GIP: variants seen among roughly 807,000 people sequenced by gnomAD.
GIP encodes gastric inhibitory polypeptide.
GIP carries 16 observed loss-of-function variants against 18.1 expected under a neutral mutation model. That is an observed-to-expected ratio of 0.88 (90% CI 0.60 to 1.34). The LOEUF (loss-of-function observed/expected upper bound fraction) is 1.34, where lower values mean the gene tolerates loss of function less well. Ranked by LOEUF, GIP falls within the 40% of genes most tolerant of loss-of-function variation. The pLI is 0.00. For synonymous variants in GIP, 76 were observed against 74.0 expected, an observed-to-expected ratio of 1.03 and a Z score of -0.14; for missense variants, 192 against 183.4, an observed-to-expected ratio of 1.05 and a Z score of -0.27.
chr17:48,961,826 A>C lies in GIP; in HGVS notation c.258-7T>G, dbSNP rs2041202363. 7 of 1,607,296 alleles carry C rather than the reference A, an allele frequency of 4.4e-6. No homozygotes were observed. Among genetic ancestry groups the C allele is most frequent in the Non-Finnish European group, 6.0e-6 (7 of 1,175,590 alleles). On this transcript the variant is annotated splice_region_variant and splice_polypyrimidine_tract_variant and intron_variant, in intron 3 of 5. Transcript: ENST00000357424. ...GGTGATGTTGTGTTTCCAGCTGGGAAGATAAAGATTAGAGAGTGGGCAAGC... is the reference window on the plus strand; with the variant it reads ...GGTGATGTTGTGTTTCCAGCTGGGACGATAAAGATTAGAGAGTGGGCAAGC...
chr17:48,961,500 G>C (rs374865393), intron 4 of GIP, among the ~76,000 whole-genome samples: 4 of 152,104 alleles, frequency 2.6e-5, no homozygotes, highest in East Asian at 1.9e-4. Context: ...TAGAAACCCT[G>C]TCCCTGAAAC....
chr17:48,961,412 G>A (rs2041200029), intron 4 of GIP, among the ~76,000 whole-genome samples: 1 of 152,138 alleles, frequency 6.6e-6, no homozygotes, highest in African/African-American at 2.4e-5. Context: ...GAGAGGTGGT[G>A]AGGCCAGGAC....
chr17:48,966,454 G>A (rs1429478787), intron 2 of GIP, among the ~76,000 whole-genome samples: 2 of 151,390 alleles, frequency 1.3e-5, no homozygotes, highest in East Asian at 1.9e-4. Context: ...TACTCGGTAA[G>A]CTGAGGCAGG....
chr17:48,965,630 G>C (rs1019491480), intron 2 of GIP, among the ~76,000 whole-genome samples: 4 of 137,098 alleles, frequency 2.9e-5, no homozygotes, highest in African/African-American at 1.1e-4. Context: ...AAAAGGGATC[G>C]GGGTCCCCTC....
Position 48,961,798 on chromosome 17 carries a change from C to T in GIP, c.279G>A (p.Gln93=). The T allele has an allele frequency of 6.2e-7, 1 of 1,612,826 alleles. No homozygotes were observed. Among genetic ancestry groups the T allele is most frequent in the Non-Finnish European group, 8.5e-7 (1 of 1,179,604 alleles). Reference sequence around the variant, plus strand: ...CCAGCTCCAGCGCCCGAGCCTCCCTCTGGGTGATGTTGTGTTTCCAGCTGG... The same window carrying T: ...CCAGCTCCAGCGCCCGAGCCTCCCTTTGGGTGATGTTGTGTTTCCAGCTGG... ...KKNDWKHNIT[Q]REARALELAS... is the part of the protein sequence containing the mutation. The change falls in exon 4 of 6, where the codon CAG becomes CAA. Residue 93 remains glutamine (Q), a synonymous_variant. Transcript: ENST00000357424.
rs1037731534 is a variant in GIP at position 48,958,861 on chromosome 17, T to C, written c.453-145A>G. 9 of 575,618 alleles carry C rather than the reference T, an allele frequency of 1.6e-5. No individual in the cohort carries two copies. In the East Asian group the frequency reaches 2.9e-4, roughly 19 times the overall value. The allele number at this position is 575,618 out of a possible 1,614,324, so 35.7% of individuals were successfully genotyped here. On this transcript the variant is annotated intron_variant, in intron 5 of 5. Coordinates refer to ENST00000357424, the MANE Select transcript of GIP (RefSeq NM_004123.3). The stretch of plus-strand genomic sequence containing the variant: ...TTTTAATTTTTATCAATTTACTTTT[T>C]TTTTTTTTTTTGAGACGGAGTCTCG...
chr17:48,964,630 C>G (rs1287921192), intron 2 of GIP, 150 bp from the exon 3 acceptor site: 5 of 636,798 alleles, frequency 7.9e-6, no homozygotes, highest in Admixed American at 2.7e-5. Context: ...CCACCCCACC[C>G]CAGGCTTTAT....
At position 48,967,130 on chromosome 17, in the gene GIP, CCT is replaced by C; in HGVS notation, c.86+15_86+16del. The C allele has an allele frequency of 6.3e-7, 1 of 1,579,244 alleles. No individual in the cohort carries two copies. Among genetic ancestry groups the C allele is most frequent in the Non-Finnish European group, 8.7e-7 (1 of 1,148,346 alleles). On this transcript the variant is annotated intron_variant, in intron 2 of 5. Coordinates refer to ENST00000357424, the MANE Select transcript of GIP (RefSeq NM_004123.3). Reference sequence around the variant, plus strand: ...AACCCCTCCTCTGCCCCATCCCTTTCCTCTCACCACTCCTACCTGAAGTGACC... The same window carrying C: ...AACCCCTCCTCTGCCCCATCCCTTTCCTCACCACTCCTACCTGAAGTGACC...
intron 1 of GIP, among the ~76,000 whole-genome samples, chr17:48,967,575 G>C (rs1368930121): frequency 6.6e-6 from 1 of 151,308 alleles, no homozygotes; most frequent in East Asian, 2.0e-4. Flanking sequence ...GGCCAGGCTG[G>C]TCTCGAACTC....
chr17:48,967,048 G>A, intron 2 of GIP, 99 bp downstream of exon 2: 1 of 888,832 alleles, frequency 1.1e-6, no homozygotes, highest in Non-Finnish European at 1.8e-6. Flanking sequence ...CTCTTAGCCT[G>A]GATTCCTTCC....
chr17:48,963,342 T>C (rs147040941), intron 3 of GIP, among the ~76,000 whole-genome samples: 4 of 151,778 alleles, frequency 2.6e-5, no homozygotes, highest in East Asian at 2.0e-4. Flanking sequence ...CTGACCAACA[T>C]GGAACCCCGT....
At chr17:48,959,631 G>C (rs935912893) in intron 5 of GIP, among the ~76,000 whole-genome samples, 3 of 152,218 alleles carry the variant, frequency 2.0e-5, no homozygotes, top group Non-Finnish European at 4.4e-5. Context: ...AGAGACCATT[G>C]AAGCCAGCAG....
At chr17:48,967,913 G>A (rs2041243657) in intron 1 of GIP, among the ~76,000 whole-genome samples, 1 of 151,864 alleles carries the variant, frequency 6.6e-6, no homozygotes, top group African/African-American at 2.4e-5. Flanking sequence ...TTAGCCAGGT[G>A]TGGTGGTGCG....
At position 48,965,138 on chromosome 17, in the gene GIP, C is replaced by CAAAAAAAAAAAAAAAAAAAAAA. The variant is rs33956589; in HGVS notation, c.87-659_87-658insTTTTTTTTTTTTTTTTTTTTTT. On this transcript the variant is annotated intron_variant, in intron 2 of 5. Transcript: ENST00000357424. ...TGGGAGACAGAGCGAGACTCCGTCTCAAAAAAAAAAAAATTAGCCAGGCGT... is the reference window on the plus strand; with the variant it reads ...TGGGAGACAGAGCGAGACTCCGTCTCAAAAAAAAAAAAAAAAAAAAAAAAAAAAAAAAAAATTAGCCAGGCGT... Among the ~76,000 whole-genome samples, 145 of 109,562 alleles carry CAAAAAAAAAAAAAAAAAAAAAA rather than the reference C, an allele frequency of 1.3e-3. 40 individuals are homozygous for CAAAAAAAAAAAAAAAAAAAAAA. The highest frequency in any genetic ancestry group is 3.9e-3 in the African/African-American group (82 of 21,104). 71.9% of individuals were successfully genotyped at this position (109,562 alleles called of 152,430 possible). A position where few individuals can be genotyped will look rare whatever the true frequency, so the allele number is the denominator to read the frequency against.
intron 5 of GIP, among the ~76,000 whole-genome samples, chr17:48,960,676 G>GT (rs1007136199): frequency 1.3e-5 from 2 of 151,586 alleles, no homozygotes; most frequent in African/African-American, 4.8e-5. Context: ...TTTTTCTTTT[G>GT]TTTTTTTTCT....
intron 2 of GIP, 34 bp downstream of exon 2, chr17:48,967,113 C>T: frequency 6.8e-7 from 1 of 1,477,166 alleles, no homozygotes. Context: ...CTAACCCCTC[C>T]TCTGCCCCAT....
intron 3 of GIP, among the ~76,000 whole-genome samples, 189 bp downstream of exon 3, chr17:48,964,121 C>T (rs182893824): frequency 0.012 from 1,743 of 142,342 alleles, 23 homozygotes; most frequent in African/African-American, 0.041. Context: ...GATCGCGCCA[C>T]TGCACTCCAG....
intron 5 of GIP, 72 bp from the exon 6 acceptor site, chr17:48,958,788 C>T (rs983992634): frequency 6.5e-6 from 8 of 1,226,902 alleles, no homozygotes; most frequent in South Asian, 2.6e-5. Flanking sequence ...TATCCTGGGA[C>T]CCAACCATTG....
intron 4 of GIP, among the ~76,000 whole-genome samples, chr17:48,961,449 T>C (rs1390944308): frequency 6.6e-6 from 1 of 152,148 alleles, no homozygotes; most frequent in Non-Finnish European, 1.5e-5. Flanking sequence ...CCTGCCCTTC[T>C]CCTGACTCAG....
Sources: allele counts gnomAD v4.1 joint callset (sites outside exome capture counted in the v4.1 genomes callset), GRCh38; gene constraint gnomAD v4.1.1; transcripts MANE v1.5; gene names NCBI Gene and HGNC (gene_info 2026-07-23, HGNC 2026-07-21).